TRAP1: variants seen among roughly 807,000 people sequenced by gnomAD.
The protein encoded by TRAP1 is TNF receptor associated protein 1, also known as heat shock protein 75 kDa, mitochondrial.
A neutral mutation model predicts 89.1 loss-of-function variants in TRAP1; 102 were observed. That is an observed-to-expected ratio of 1.15 (90% CI 0.98 to 1.35). TRAP1 has a LOEUF of 1.35. Among genes scored for constraint, TRAP1 ranks in the 40% most tolerant of loss-of-function variants. The pLI, the probability that TRAP1 is intolerant of heterozygous loss-of-function variation, is 0.00. For synonymous variants in TRAP1, 508 were observed against 388.0 expected, an observed-to-expected ratio of 1.31 and a Z score of -3.64; for missense variants, 1,256 against 945.3, an observed-to-expected ratio of 1.33 and a Z score of -4.31.
chr16:3,690,934 C>T lies in TRAP1; in HGVS notation c.140G>A (p.Arg47Gln), dbSNP rs148589352. 63 of 1,587,274 alleles carry T rather than the reference C, an allele frequency of 4.0e-5. No individual in the cohort carries two copies. In the African/African-American group the frequency reaches 5.0e-4, roughly 13 times the overall value. Residue 47 changes from arginine (R) to glutamine (Q), a missense_variant, in exon 2 of 18, where the codon CGA becomes CAA. Physicochemically the swap from Arg to Gln is conservative, Grantham distance 43. Transcript: ENST00000246957. The part of the protein sequence containing the change: ...RRTTAQLGPR[R>Q]NPAWSLQAGR... ...TGCCTGCAAGCTCCAGGCTGGGTTTCGCCTGGGGCCCAACTGGGCTGTGGT... is the reference window on the plus strand; with the variant it reads ...TGCCTGCAAGCTCCAGGCTGGGTTTTGCCTGGGGCCCAACTGGGCTGTGGT...
At chr16:3,705,837 AC>A (rs1466888957) in intron 1 of TRAP1, among the ~76,000 whole-genome samples, 1 of 151,338 alleles carries the variant, frequency 6.6e-6, no homozygotes, top group African/African-American at 2.4e-5. Flanking sequence ...GTGCCACCAC[AC>A]CCGGCTAATT....
intron 16 of TRAP1, 98 bp from the exon 17 acceptor site, chr16:3,658,963 T>TAAGA (rs1204352921): frequency 1.7e-6 from 2 of 1,211,784 alleles, no homozygotes; most frequent in Non-Finnish European, 2.4e-6. Flanking sequence ...AGAAGCACAG[T>TAAGA]AAGACTGTCT....
At chr16:3,698,985 T>G (rs566143446) in intron 1 of TRAP1, among the ~76,000 whole-genome samples, 2 of 152,212 alleles carry the variant, frequency 1.3e-5, no homozygotes, top group Non-Finnish European at 2.9e-5. Context: ...TCCGTCTTTG[T>G]GTTTCTCCTA....
chr16:3,672,558 G>A (rs544327573), intron 10 of TRAP1, 142 bp downstream of exon 10: 8 of 1,337,606 alleles, frequency 6.0e-6, no homozygotes, highest in East Asian at 2.6e-5. Context: ...CTGTAAACGC[G>A]ACTGACACAC....
chr16:3,700,073 C>T (rs1362981375), intron 1 of TRAP1, among the ~76,000 whole-genome samples: 1 of 152,052 alleles, frequency 6.6e-6, no homozygotes, highest in Non-Finnish European at 1.5e-5. Flanking sequence ...CAAATTAGGG[C>T]AGGAAAAAGC....
Position 3,685,902 on chromosome 16 carries a change from G to C in TRAP1, c.471+94C>G, listed in dbSNP as rs894236214. The C allele has an allele frequency of 9.0e-6, 13 of 1,439,790 alleles. No homozygotes were observed. The Admixed American group carries it at 2.0e-4, about 22-fold the overall frequency. The allele number at this position is 1,439,790 out of a possible 1,614,324, so 89.2% of individuals were successfully genotyped here. A position where few individuals can be genotyped will look rare whatever the true frequency, so the allele number is the denominator to read the frequency against. ...GTTATCCTGGTGGTACGGACGGCCAGTACGTCCCTGGGACCCGAGACATCA... is the reference window on the plus strand; with the variant it reads ...GTTATCCTGGTGGTACGGACGGCCACTACGTCCCTGGGACCCGAGACATCA... On this transcript the variant is annotated intron_variant, in intron 4 of 17. Transcript: ENST00000246957.
rs532605581 is a variant in TRAP1, at chr16:3,685,376, C to T, written c.471+620G>A. ...CACAAGTCCATTCATTCACGCGTGC[C>T]TGCATTCATTTATGTGGCATGACCT... On this transcript the variant is annotated intron_variant, in intron 4 of 17. Coordinates refer to ENST00000246957, the MANE Select transcript of TRAP1 (RefSeq NM_016292.3). Among the ~76,000 whole-genome samples the T allele has an allele frequency of 2.6e-5, 4 of 152,300 alleles. No homozygotes were observed. In the East Asian group the frequency reaches 5.8e-4, roughly 22 times the overall value.
chr16:3,706,011 T>C (rs2051439509), intron 1 of TRAP1, among the ~76,000 whole-genome samples: 2 of 151,260 alleles, frequency 1.3e-5, no homozygotes, highest in African/African-American at 4.8e-5. Flanking sequence ...CTTTTTTTTT[T>C]TTTGAGACGG....
chr16:3,658,638 A>G, intron 17 of TRAP1, 155 bp downstream of exon 17: 1 of 725,780 alleles, frequency 1.4e-6, no homozygotes, highest in Non-Finnish European at 2.3e-6. Context: ...GCGCCACTGC[A>G]CTCCAGCCTG....
chr16:3,658,848 T>G lies in TRAP1; in HGVS notation c.1958A>C (p.Lys653Thr), dbSNP rs754758145. ...EINPRHALIK[K>T]LNQLRASEPG... ...CTCGCTTGCGCGCAGCTGATTCAGC[T>G]TCTTGATGAGCGCGTGCCTGCAACA... Residue 653 changes from lysine (K) to threonine (T), a missense_variant, in exon 17 of 18, where the codon AAG (lysine) becomes ACG (threonine). Transcript: ENST00000246957. The G allele has an allele frequency of 6.2e-7, 1 of 1,614,070 alleles. No individual in the cohort carries two copies. The highest frequency in any genetic ancestry group is 2.2e-5 in the East Asian group (1 of 44,882).
chr16:3,671,463 G>T (rs1013132868), intron 11 of TRAP1, among the ~76,000 whole-genome samples: 3 of 152,182 alleles, frequency 2.0e-5, no homozygotes, highest in Admixed American at 1.3e-4. Context: ...CAGGTGGGCA[G>T]GTCTGGCTCT....
chr16:3,659,652 C>A (rs1375949231), intron 16 of TRAP1: 1 of 152,088 alleles, frequency 6.6e-6, no homozygotes, highest in African/African-American at 2.4e-5. Context: ...TACAACCTCT[C>A]CAGAGGACAA....
intron 8 of TRAP1, 92 bp from the exon 9 acceptor site, chr16:3,674,586 C>G: frequency 2.0e-6 from 3 of 1,466,972 alleles, no homozygotes; most frequent in Non-Finnish European, 2.8e-6. Flanking sequence ...GCGCCTGGCC[C>G]TGGACAGGCT....
chr16:3,697,431 G>C (rs940047198), intron 1 of TRAP1, among the ~76,000 whole-genome samples: 4 of 151,992 alleles, frequency 2.6e-5, no homozygotes, highest in South Asian at 2.1e-4. Flanking sequence ...TTGGGAGGCC[G>C]AGGCGGGAGG....
chr16:3,666,097 C>T lies in TRAP1; in HGVS notation c.1257G>A (p.Gln419=). Residue 419 remains glutamine (Q), a synonymous_variant, in exon 12 of 18, where the codon CAG becomes CAA. Transcript: ENST00000246957. The part of the protein sequence containing the change: ...ALIRKLRDVL[Q]QRLIKFFIDQ... ...CAATGAAGAATTTGATCAGCCTCTGCTGTAAAACGTCCCGGAGTTTCCTAC... is the reference window on the plus strand; with the variant it reads ...CAATGAAGAATTTGATCAGCCTCTGTTGTAAAACGTCCCGGAGTTTCCTAC... 6.2e-7 allele frequency: 1 copy of T among 1,612,930 alleles called. No individual in the cohort carries two copies. Among genetic ancestry groups the T allele is most frequent in the Non-Finnish European group, 8.5e-7 (1 of 1,179,692 alleles).
chr16:3,663,579 G>C lies in TRAP1; in HGVS notation c.1570-17C>G. The C allele has an allele frequency of 6.2e-7, 1 of 1,613,286 alleles. No homozygotes were observed. Among genetic ancestry groups the C allele is most frequent in the Non-Finnish European group, 8.5e-7 (1 of 1,179,840 alleles). On this transcript the variant is annotated splice_polypyrimidine_tract_variant and intron_variant, in intron 13 of 17. Coordinates refer to ENST00000246957, the MANE Select transcript of TRAP1 (RefSeq NM_016292.3). ...GAAGAGAACCTGCAGGTGGCCAAGA[G>C]CAGCTCCATCAGACCCCGGGGGCCT...
At chr16:3,658,500 G>A in intron 17 of TRAP1, 1 of 569,856 alleles carries the variant, frequency 1.8e-6, no homozygotes, top group Non-Finnish European at 3.1e-6. Context: ...TGGCCAAGAT[G>A]GTGAAAACCC....
At chr16:3,703,231 G>T (rs1019592245) in intron 1 of TRAP1, among the ~76,000 whole-genome samples, 2 of 151,084 alleles carry the variant, frequency 1.3e-5, no homozygotes, top group Admixed American at 6.6e-5. Context: ...TTTTTGGCAA[G>T]ATCTTTTAAG....
Position 3,662,972 on chromosome 16 carries a change from G to A in TRAP1, c.1709-5C>T, listed in dbSNP as rs367791292. On this transcript the variant is annotated splice_polypyrimidine_tract_variant and splice_region_variant and intron_variant, in intron 14 of 17. Transcript: ENST00000246957. ...TCTCTGATAGGCACTCGGCGGCTGC[G>A]GAAGAGCAGGCGACAGGGAGCTCAG... 54 of 1,604,638 alleles carry A rather than the reference G, an allele frequency of 3.4e-5. No homozygotes were observed. The Middle Eastern group carries it at 1.8e-3, about 55-fold the overall frequency.
Sources: gnomAD v4.1 joint callset for allele counts (sites outside exome capture counted in the v4.1 genomes callset) on GRCh38, gnomAD v4.1.1 for gene constraint, MANE v1.5 for transcripts, NCBI Gene and HGNC (gene_info 2026-07-23, HGNC 2026-07-21) for gene names.